The following JAML variants were observed in gnomAD, a reference collection of about 807,000 sequenced individuals.
JAML encodes the protein junctional adhesion molecule-like.
Under a neutral mutation model 39.3 loss-of-function variants are expected in JAML, and 25 were observed. The observed-to-expected ratio is 0.64, with a 90% CI of 0.46 to 0.89. The LOEUF (loss-of-function observed/expected upper bound fraction) is 0.89, where lower values mean the gene tolerates loss of function less well. Ranked by LOEUF, JAML falls within the 40% of genes least tolerant of loss-of-function variation. The pLI, the probability that JAML is intolerant of heterozygous loss-of-function variation, is 0.00. For missense variants in JAML, 440 were observed against 486.9 expected (o/e 0.90, Z 0.91); for synonymous variants, 162 against 179.2 (o/e 0.90, Z 0.77).
chr11:118,209,703 T>A (rs994285752), intron 4 of JAML, among the ~76,000 whole-genome samples: 10 of 151,866 alleles, frequency 6.6e-5, no homozygotes, highest in Admixed American at 1.3e-4. Context: ...TTATTATTTT[T>A]TTTTTATTTT....
At chr11:118,218,589 A>G (rs946099404) in intron 1 of JAML, among the ~76,000 whole-genome samples, 3 of 152,206 alleles carry the variant, frequency 2.0e-5, no homozygotes, top group Admixed American at 2.0e-4. Flanking sequence ...AGGTACGGGG[A>G]CATCCTCAGT....
At chr11:118,202,697 C>G in intron 6 of JAML, 1 of 322,018 alleles carries the variant, frequency 3.1e-6, no homozygotes, top group Non-Finnish European at 6.2e-6. Context: ...CCTCCACAGA[C>G]TTAGGTCTCT....
chr11:118,199,593 G>A (rs1228113542), intron 7 of JAML, among the ~76,000 whole-genome samples: 1 of 152,088 alleles, frequency 6.6e-6, no homozygotes, highest in Non-Finnish European at 1.5e-5. Context: ...AACAGCCAGT[G>A]AAACACAAGT....
chr11:118,196,297 T>G (rs1029270600), intron 9 of JAML, among the ~76,000 whole-genome samples: 2 of 151,854 alleles, frequency 1.3e-5, no homozygotes, highest in Non-Finnish European at 2.9e-5. Flanking sequence ...CTGGCCAATT[T>G]TTGTATTTTT....
intron 6 of JAML, chr11:118,202,915 C>T: frequency 2.2e-6 from 1 of 456,118 alleles, no homozygotes; most frequent in Non-Finnish European, 4.4e-6. Context: ...CAGCACTGGC[C>T]TTGATGCACA....
chr11:118,197,925 T>A (rs530463753), intron 8 of JAML, 73 bp downstream of exon 8: 12 of 1,370,878 alleles, frequency 8.8e-6, no homozygotes, highest in African/African-American at 1.4e-5. Context: ...ATGGGTAAGA[T>A]ATGGTTCCCG....
At chr11:118,209,303 C>A in intron 4 of JAML, 1 of 163,354 alleles carries the variant, frequency 6.1e-6, no homozygotes, top group Non-Finnish European at 1.3e-5. Context: ...CAGACCAAAT[C>A]TTACCTGGCA....
chr11:118,200,635 G>C (rs551846454), intron 6 of JAML, 23 bp from the exon 7 acceptor site: 7 of 1,613,904 alleles, frequency 4.3e-6, no homozygotes, highest in Non-Finnish European at 5.9e-6. Flanking sequence ...GAAAAGCAAG[G>C]AGAGGGTCTC....
intron 9 of JAML, among the ~76,000 whole-genome samples, chr11:118,195,532 G>T (rs1048153019): frequency 6.6e-6 from 1 of 152,052 alleles, no homozygotes; most frequent in African/African-American, 2.4e-5. Context: ...CACTCCTTTT[G>T]TCCCTACCCC....
intron 5 of JAML, chr11:118,204,723 T>C (rs1948881453): frequency 6.6e-6 from 1 of 152,264 alleles, no homozygotes; most frequent in Non-Finnish European, 1.5e-5. Flanking sequence ...TATTGCCTGA[T>C]GTATTATATA....
chr11:118,213,145 T>G, intron 2 of JAML: 3 of 1,417,278 alleles, frequency 2.1e-6, no homozygotes, highest in Non-Finnish European at 2.8e-6. Context: ...CCCCTCCAGC[T>G]TTGCCATCAG....
chr11:118,212,534 T>A lies in JAML; in HGVS notation c.71A>T (p.Asn24Ile), dbSNP rs1249577584. The change falls in exon 3 of 10, where the codon AAT becomes ATT. Residue 24 changes from asparagine (N) to isoleucine (I), a missense_variant. By Grantham distance (149) the Asn-to-Ile change is moderately radical. Coordinates refer to ENST00000356289, the MANE Select transcript of JAML (RefSeq NM_001098526.2). ...GACTGTTAGCTCAGGCGGGGAAACA[T>A]TCAAGTCATTCAGGCCCAAGGAATA... Reference protein sequence around the residue: ...LDYSLGLNDLNVSPPELTVHV... With the variant: ...LDYSLGLNDLIVSPPELTVHV... 2 of 1,613,980 alleles carry A rather than the reference T, an allele frequency of 1.2e-6. No homozygotes were observed. The highest frequency in any genetic ancestry group is 1.7e-6 in the Non-Finnish European group (2 of 1,180,020).
rs573506238 is a variant in JAML at position 118,200,723 on chromosome 11, G to T, written c.773-111C>A. On this transcript the variant is annotated intron_variant, in intron 6 of 9. Coordinates refer to ENST00000356289, the MANE Select transcript of JAML (RefSeq NM_001098526.2). The stretch of plus-strand genomic sequence containing the variant: ...GCCAGGCCACGAAGCGGAGGGGAAG[G>T]CCAGACTCCACCCCATATCTGGACA... The T allele has an allele frequency of 6.4e-6, 8 of 1,244,110 alleles. No individual in the cohort carries two copies. The Admixed American group carries it at 1.6e-4, about 24-fold the overall frequency. The allele number at this position is 1,244,110 out of a possible 1,614,324, so 77.1% of individuals were successfully genotyped here.
intron 6 of JAML, chr11:118,201,123 A>T (rs538053523): frequency 1.3e-5 from 2 of 153,960 alleles, no homozygotes; most frequent in Admixed American, 1.3e-4. Context: ...AGCACTAGGT[A>T]CAGGGGATTC....
In JAML at chr11:118,198,009, A is replaced by T. The variant is rs1389441845; in HGVS notation, c.994T>A (p.Cys332Ser). ...IKEKPCHFER[C>S]EGEKHIYSPI... ...AAGCGTGTGTTCACCTCCCCTTCAC[A>T]TCTTTCAAAATGGCAGGGTTTTTCT... The change falls in exon 8 of 10, where the codon TGT becomes AGT. Residue 332 changes from cysteine to serine, a missense_variant. Cys to Ser is a moderately radical substitution (Grantham distance 112, BLOSUM62 -1). Coordinates refer to ENST00000356289, the MANE Select transcript of JAML (RefSeq NM_001098526.2). 2 of 1,613,904 alleles carry T rather than the reference A, an allele frequency of 1.2e-6. No homozygotes were observed. The highest frequency in any genetic ancestry group is 1.7e-6 in the Non-Finnish European group (2 of 1,179,864).
chr11:118,214,036 G>A (rs940537595), intron 2 of JAML, among the ~76,000 whole-genome samples: 2 of 152,270 alleles, frequency 1.3e-5, no homozygotes, highest in African/African-American at 4.8e-5. Context: ...CTGAGTCAGG[G>A]TTTAAATTAC....
chr11:118,198,673 C>CCA (rs1948712268), intron 7 of JAML, among the ~76,000 whole-genome samples: 2 of 96,824 alleles, frequency 2.1e-5, no homozygotes, highest in Non-Finnish European at 3.9e-5. Context: ...TAAGTCAGAA[C>CCA]TAAAAAAAAA....
intron 1 of JAML, among the ~76,000 whole-genome samples, chr11:118,220,818 G>A (rs907955896): frequency 1.3e-5 from 2 of 152,164 alleles, no homozygotes; most frequent in African/African-American, 2.4e-5. Flanking sequence ...AAAAAGCCCC[G>A]CACAGCTTGT....
chr11:118,219,227 A>C (rs1338242354), intron 1 of JAML, among the ~76,000 whole-genome samples: 1 of 152,230 alleles, frequency 6.6e-6, no homozygotes, highest in Non-Finnish European at 1.5e-5. Flanking sequence ...ATGAGTTATC[A>C]TCTCATACCA....
Sources: gnomAD v4.1 joint callset for allele counts (sites outside exome capture counted in the v4.1 genomes callset) on GRCh38, gnomAD v4.1.1 for gene constraint, MANE v1.5 for transcripts, NCBI Gene and HGNC (gene_info 2026-07-23, HGNC 2026-07-21) for gene names.